The following SEMA3A variants were observed in gnomAD, a reference collection of about 807,000 sequenced individuals.
SEMA3A encodes the protein semaphorin 3A, also known as semaphorin-3A.
SEMA3A carries 29 observed loss-of-function variants against 97.9 expected under a neutral mutation model. The observed-to-expected ratio is 0.30, with a 90% CI of 0.22 to 0.40. SEMA3A has a LOEUF of 0.40. SEMA3A is among the 10% of genes least tolerant of loss of function. SEMA3A has a pLI of 1.00. For missense variants in SEMA3A, 763 were observed against 951.3 expected (o/e 0.80, Z 2.60); for synonymous variants, 321 against 323.7 (o/e 0.99, Z 0.09).
intron 1 of SEMA3A, among the ~76,000 whole-genome samples, chr7:84,427,837 T>C (rs879218097): frequency 6.6e-6 from 1 of 151,922 alleles, no homozygotes; most frequent in Non-Finnish European, 1.5e-5. Flanking sequence ...TGATAGCAAG[T>C]ACATAAAAAA....
intron 3 of SEMA3A, among the ~76,000 whole-genome samples, chr7:84,218,098 T>A: frequency 6.6e-6 from 1 of 152,232 alleles, no homozygotes; most frequent in East Asian, 1.9e-4. Context: ...TAATTCTTAC[T>A]TGAGAAAAAA....
At chr7:84,003,850 C>G (rs552825550) in intron 11 of SEMA3A, among the ~76,000 whole-genome samples, 706 of 37,628 alleles carry the variant, frequency 0.019, 2 homozygotes, top group Non-Finnish European at 0.021. Context: ...TTGATACTTG[C>G]AATTCATTGC....
chr7:83,975,895 A>G (rs930534904), intron 15 of SEMA3A, among the ~76,000 whole-genome samples: 2 of 152,176 alleles, frequency 1.3e-5, no homozygotes, highest in African/African-American at 4.8e-5. Flanking sequence ...CTATTTGAAA[A>G]AATTTAAGGA....
chr7:84,331,908 A>G (rs988429320), intron 2 of SEMA3A, among the ~76,000 whole-genome samples: 5 of 152,098 alleles, frequency 3.3e-5, no homozygotes, highest in Non-Finnish European at 7.4e-5. Flanking sequence ...CCCCACTGGC[A>G]ATGAGGTATT....
At chr7:84,443,162 T>C (rs929671042) in intron 1 of SEMA3A, among the ~76,000 whole-genome samples, 5 of 152,086 alleles carry the variant, frequency 3.3e-5, no homozygotes, top group Admixed American at 2.6e-4. Context: ...TATCCAACAA[T>C]AGCAGCATAT....
intron 2 of SEMA3A, among the ~76,000 whole-genome samples, chr7:84,361,891 G>A (rs1051952292): frequency 6.6e-6 from 1 of 151,708 alleles, no homozygotes; most frequent in Non-Finnish European, 1.5e-5. Flanking sequence ...AGAACTGCAG[G>A]GTGAACTCGG....
intron 1 of SEMA3A, among the ~76,000 whole-genome samples, chr7:84,426,749 C>T (rs1240256001): frequency 2.6e-5 from 4 of 151,924 alleles, no homozygotes; most frequent in African/African-American, 4.8e-5. Flanking sequence ...GACATAAGAA[C>T]GTTATAACTT....
At chr7:84,488,045 G>A (rs1806622794) in intron 1 of SEMA3A, among the ~76,000 whole-genome samples, 1 of 151,902 alleles carries the variant, frequency 6.6e-6, no homozygotes, top group Non-Finnish European at 1.5e-5. Flanking sequence ...AATATGGACT[G>A]TTAAAAATAA....
intron 4 of SEMA3A, among the ~76,000 whole-genome samples, chr7:84,063,659 A>C (rs1165372283): frequency 6.6e-6 from 1 of 151,680 alleles, no homozygotes; most frequent in Non-Finnish European, 1.5e-5. Flanking sequence ...AACTGGAAGA[A>C]AGGGTATCAG....
intron 3 of SEMA3A, among the ~76,000 whole-genome samples, chr7:84,205,177 C>T (rs1452933049): frequency 2.0e-5 from 3 of 152,110 alleles, no homozygotes; most frequent in Non-Finnish European, 4.4e-5. Context: ...AACACCTGTA[C>T]AATTATTATG....
At chr7:83,995,556 T>C (rs1160670473) in intron 12 of SEMA3A, among the ~76,000 whole-genome samples, 1 of 152,182 alleles carries the variant, frequency 6.6e-6, no homozygotes, top group Non-Finnish European at 1.5e-5. Context: ...ATAGACAATA[T>C]ATTATGATGA....
At chr7:84,111,757 A>T (rs1795281858) in intron 3 of SEMA3A, among the ~76,000 whole-genome samples, 1 of 152,128 alleles carries the variant, frequency 6.6e-6, no homozygotes, top group African/African-American at 2.4e-5. Context: ...TGCTACACAG[A>T]TCCTAAGTCT....
chr7:84,179,066 T>A (rs1797657685), intron 1 of SEMA3A, among the ~76,000 whole-genome samples: 1 of 152,202 alleles, frequency 6.6e-6, no homozygotes, highest in Non-Finnish European at 1.5e-5. Flanking sequence ...ACACTCACAG[T>A]TCTTTATTGG....
At chr7:84,049,699 CTTT>C (rs894034082) in intron 5 of SEMA3A, among the ~76,000 whole-genome samples, 8 of 146,894 alleles carry the variant, frequency 5.4e-5, no homozygotes, top group African/African-American at 1.8e-4. Flanking sequence ...TATGTTGATT[CTTT>C]TTTTTTTCAT....
intron 6 of SEMA3A, among the ~76,000 whole-genome samples, chr7:84,022,787 C>G (rs991945661): frequency 1.3e-5 from 2 of 152,188 alleles, no homozygotes; most frequent in Admixed American, 1.3e-4. Flanking sequence ...AGGATTCTTG[C>G]ATCTGCATAG....
chr7:84,377,904 C>A (rs1300860761), intron 1 of SEMA3A, among the ~76,000 whole-genome samples: 1 of 152,114 alleles, frequency 6.6e-6, no homozygotes, highest in Non-Finnish European at 1.5e-5. Flanking sequence ...GTGAATCATT[C>A]AGTTACTGCT....
rs552118688 is a variant in SEMA3A at position 84,059,691 on chromosome 7, A to G, written c.547+774T>C. Among the ~76,000 whole-genome samples, 8 of 151,844 alleles carry G rather than the reference A, an allele frequency of 5.3e-5. 1 individual carries two copies. In the South Asian group the frequency reaches 1.7e-3, roughly 32 times the overall value. ...ACATAATTTCTACACAATTATGTAG[A>G]AAAATATGTTCAAGAACAGAATCAT... On this transcript the variant is annotated intron_variant, in intron 5 of 16. Coordinates refer to ENST00000265362, the MANE Select transcript of SEMA3A (RefSeq NM_006080.3).
At chr7:84,204,112 T>C (rs1428503890) in intron 3 of SEMA3A, among the ~76,000 whole-genome samples, 1 of 152,164 alleles carries the variant, frequency 6.6e-6, no homozygotes, top group African/African-American at 2.4e-5. Flanking sequence ...ATAATCAAAA[T>C]GAGTATTCTA....
At chr7:84,486,303 A>G (rs1806572602) in intron 1 of SEMA3A, among the ~76,000 whole-genome samples, 1 of 152,142 alleles carries the variant, frequency 6.6e-6, no homozygotes, top group African/African-American at 2.4e-5. Context: ...AAGGAGAATC[A>G]CTTGAACCAG....
Sources: allele counts gnomAD v4.1 joint callset (sites outside exome capture counted in the v4.1 genomes callset), GRCh38; gene constraint gnomAD v4.1.1; transcripts MANE v1.5; gene names NCBI Gene and HGNC (gene_info 2026-07-23, HGNC 2026-07-21).